ACTR3C: variants seen among roughly 807,000 people sequenced by gnomAD.
ACTR3C encodes actin related protein 3C.
Under a neutral mutation model 26.3 loss-of-function variants are expected in ACTR3C, and 18 were observed. The observed-to-expected ratio is 0.68, with a 90% CI of 0.47 to 1.01. The LOEUF (loss-of-function observed/expected upper bound fraction) is 1.01, where lower values mean the gene tolerates loss of function less well. Among genes scored for constraint, ACTR3C ranks in the 50% least tolerant of loss-of-function variants. The pLI, the probability that ACTR3C is intolerant of heterozygous loss-of-function variation, is 0.00. For missense variants in ACTR3C, 184 were observed against 250.7 expected (o/e 0.73, Z 1.80); for synonymous variants, 55 against 94.5 (o/e 0.58, Z 2.42).
At chr7:150,232,150 C>A in the ACTR3C span, among the ~76,000 whole-genome samples, 210 of 152,232 alleles carry the variant, frequency 1.4e-3, no homozygotes, top group Non-Finnish European at 2.3e-3. Context: ...ATTTTTCTTG[C>A]TCTGCTATCT....
intron 6 of ACTR3C, among the ~76,000 whole-genome samples, chr7:150,263,943 G>A (rs1563157535): frequency 6.6e-6 from 1 of 152,250 alleles, no homozygotes; most frequent in Non-Finnish European, 1.5e-5. Context: ...GAAGACAGCT[G>A]CAGGTGGAAG....
the ACTR3C span, among the ~76,000 whole-genome samples, chr7:150,037,735 T>G: frequency 7.5e-4 from 54 of 72,358 alleles, no homozygotes; most frequent in African/African-American, 1.3e-3. Flanking sequence ...GGGAAGAGGG[T>G]CTGGCTCTCA....
the ACTR3C span, among the ~76,000 whole-genome samples, chr7:150,036,126 G>C: frequency 7.4e-6 from 1 of 135,826 alleles, no homozygotes; most frequent in East Asian, 2.0e-4. Context: ...GGGGAAGAGG[G>C]GTTGGCTCTG....
chr7:150,154,573 C>A, the ACTR3C span, among the ~76,000 whole-genome samples: 1 of 152,100 alleles, frequency 6.6e-6, no homozygotes, highest in Non-Finnish European at 1.5e-5. Flanking sequence ...TTGACCTCAG[C>A]CACTTTCTCT....
At chr7:150,109,550 C>G in the ACTR3C span, among the ~76,000 whole-genome samples, 5 of 151,280 alleles carry the variant, frequency 3.3e-5, no homozygotes, top group Non-Finnish European at 5.9e-5. Flanking sequence ...ATCTACTCAG[C>G]CTGACGACCA....
In ACTR3C at chr7:150,289,449, C is replaced by T. The variant is rs1415297996; in HGVS notation, c.297+1G>A. On this transcript the variant is annotated splice_donor_variant, in intron 4 of 7. Coordinates refer to ENST00000683684, the MANE Select transcript of ACTR3C (RefSeq NM_001164458.2). LOFTEE classifies it high-confidence loss of function. ...CCAGCCGGTTTCCCATCTGTTTTTA[C>T]CTTAATGGCTTTTGCGGTCTCCAGT... 6 of 1,576,730 alleles carry T rather than the reference C, an allele frequency of 3.8e-6. No individual in the cohort carries two copies. The highest frequency in any genetic ancestry group is 2.6e-6 in the Non-Finnish European group (3 of 1,164,564).
At chr7:150,057,523 T>A in the ACTR3C span, among the ~76,000 whole-genome samples, 1 of 152,156 alleles carries the variant, frequency 6.6e-6, no homozygotes, top group Non-Finnish European at 1.5e-5. Context: ...TGACCTCAGA[T>A]GATTCGCCCA....
chr7:150,125,114 C>A, the ACTR3C span, among the ~76,000 whole-genome samples: 31 of 152,144 alleles, frequency 2.0e-4, no homozygotes, highest in African/African-American at 6.0e-4. Flanking sequence ...AAACTGTTAT[C>A]TTGACTTCCA....
Position 150,260,109 on chromosome 7 carries a change from A to G in ACTR3C, c.565-11055T>C, listed in dbSNP as rs546984924. On this transcript the variant is annotated intron_variant, in intron 6 of 7. Coordinates refer to ENST00000683684, the MANE Select transcript of ACTR3C (RefSeq NM_001164458.2). Reference sequence around the variant, plus strand: ...ATCACCCATTGTGTATATATTGCCTATAACTGTTTTTGTACTGCCCTCAGT... The same window carrying G: ...ATCACCCATTGTGTATATATTGCCTGTAACTGTTTTTGTACTGCCCTCAGT... Among the ~76,000 whole-genome samples, 4 of 152,358 alleles carry G rather than the reference A, an allele frequency of 2.6e-5. No individual in the cohort carries two copies. In the South Asian group the frequency reaches 8.3e-4, roughly 32 times the overall value.
chr7:150,018,378 C>T, the ACTR3C span, among the ~76,000 whole-genome samples: 1 of 149,066 alleles, frequency 6.7e-6, no homozygotes, highest in African/African-American at 2.5e-5. Context: ...TGTATTTTCA[C>T]TTCCTTTGAG....
At chr7:150,018,020 T>C in the ACTR3C span, among the ~76,000 whole-genome samples, 1 of 150,230 alleles carries the variant, frequency 6.7e-6, no homozygotes, top group Admixed American at 6.6e-5. Flanking sequence ...AATAAAACTT[T>C]GTGAGTTGGC....
intron 6 of ACTR3C, among the ~76,000 whole-genome samples, chr7:150,273,413 G>A (rs1834602228): frequency 6.6e-6 from 1 of 151,366 alleles, no homozygotes; most frequent in Non-Finnish European, 1.5e-5. Context: ...AAGTAGCTGG[G>A]ACCACAGGTG....
chr7:149,925,774 C>T, the ACTR3C span, among the ~76,000 whole-genome samples: 1 of 151,812 alleles, frequency 6.6e-6, no homozygotes, highest in Non-Finnish European at 1.5e-5. Context: ...AGAAAAAAAA[C>T]CTACCAGCTG....
At chr7:149,974,816 G>C in the ACTR3C span, among the ~76,000 whole-genome samples, 1 of 151,460 alleles carries the variant, frequency 6.6e-6, no homozygotes, top group Admixed American at 6.6e-5. Context: ...GAAGAGAATA[G>C]TCTCATGTGT....
intron 6 of ACTR3C, among the ~76,000 whole-genome samples, chr7:150,259,419 C>T (rs1833487515): frequency 6.6e-6 from 1 of 152,132 alleles, no homozygotes. Context: ...ATATCTGACC[C>T]TATGAACTTA....
chr7:150,322,576 G>A (rs1274814589), intron 1 of ACTR3C: 1 of 152,234 alleles, frequency 6.6e-6, no homozygotes, highest in Admixed American at 6.5e-5. Context: ...CCTCAGTTCC[G>A]GGAACTGCCC....
chr7:149,901,618 C>G, the ACTR3C span, among the ~76,000 whole-genome samples: 2 of 151,792 alleles, frequency 1.3e-5, no homozygotes, highest in Admixed American at 6.6e-5. Flanking sequence ...TAAGATTAAA[C>G]TTAATAATAA....
chr7:149,912,427 C>T, the ACTR3C span, among the ~76,000 whole-genome samples: 1 of 151,350 alleles, frequency 6.6e-6, no homozygotes, highest in Admixed American at 6.6e-5. Context: ...CAAAGTCACA[C>T]GGGTACCTTA....
chr7:150,316,692 G>T (rs756205825), intron 1 of ACTR3C, among the ~76,000 whole-genome samples: 6 of 152,004 alleles, frequency 3.9e-5, no homozygotes, highest in African/African-American at 7.2e-5. Context: ...CACCATGTTG[G>T]CCAGGATGGT....
Sources: gnomAD v4.1 joint callset for allele counts (sites outside exome capture counted in the v4.1 genomes callset) on GRCh38, gnomAD v4.1.1 for gene constraint, MANE v1.5 for transcripts, NCBI Gene and HGNC (gene_info 2026-07-23, HGNC 2026-07-21) for gene names.